Variants in FARP1 observed in about 807,000 individuals in gnomAD.
FARP1 encodes the protein FERM, ARHGEF and pleckstrin domain-containing protein 1.
Under a neutral mutation model 128.8 loss-of-function variants are expected in FARP1, and 52 were observed. The observed-to-expected ratio is 0.40, with a 90% CI of 0.32 to 0.51. The LOEUF (loss-of-function observed/expected upper bound fraction) is 0.51, where lower values mean the gene tolerates loss of function less well. FARP1 is among the 20% of genes least tolerant of loss of function. FARP1 has a pLI of 0.45. For missense variants in FARP1, 1,333 were observed against 1,367.9 expected, an observed-to-expected ratio of 0.97 and a Z score of 0.40; for synonymous variants, 580 against 551.8, an observed-to-expected ratio of 1.05 and a Z score of -0.72.
chr13:98,228,163 A>T (rs1881902842), intron 2 of FARP1, among the ~76,000 whole-genome samples: 1 of 152,194 alleles, frequency 6.6e-6, no homozygotes, highest in African/African-American at 2.4e-5. Flanking sequence ...GTTTGAGACT[A>T]GTCTGACCAA....
intron 19 of FARP1, among the ~76,000 whole-genome samples, chr13:98,438,320 C>T (rs1048657020): frequency 1.3e-5 from 2 of 152,116 alleles, no homozygotes; most frequent in Non-Finnish European, 2.9e-5. Context: ...CCTCTCGGTC[C>T]TCAAGGGTCC....
intron 24 of FARP1, among the ~76,000 whole-genome samples, chr13:98,442,259 C>T (rs149745941): frequency 1.6e-4 from 25 of 152,346 alleles, no homozygotes; most frequent in African/African-American, 4.3e-4. Context: ...AGTTTGCTGG[C>T]TCTTGGAACC....
At chr13:98,241,505 C>T (rs779143858) in intron 2 of FARP1, among the ~76,000 whole-genome samples, 5 of 152,164 alleles carry the variant, frequency 3.3e-5, no homozygotes, top group Non-Finnish European at 5.9e-5. Flanking sequence ...TGGGGCCAGG[C>T]ATGGTGGCTC....
chr13:98,235,540 T>C (rs1882362292), intron 2 of FARP1, among the ~76,000 whole-genome samples: 1 of 152,122 alleles, frequency 6.6e-6, no homozygotes, highest in African/African-American at 2.4e-5. Context: ...TGTGGGATAC[T>C]CTAGGTAGGA....
intron 3 of FARP1, among the ~76,000 whole-genome samples, chr13:98,355,683 A>T (rs979753733): frequency 1.3e-5 from 2 of 152,226 alleles, no homozygotes; most frequent in Non-Finnish European, 2.9e-5. Flanking sequence ...ACATATTTTT[A>T]AAAATTTTCC....
chr13:98,232,375 C>G (rs1882183151), intron 2 of FARP1, among the ~76,000 whole-genome samples: 1 of 150,632 alleles, frequency 6.6e-6, no homozygotes, highest in South Asian at 2.1e-4. Context: ...TAAATGGGCA[C>G]CAATGTGCCT....
At chr13:98,180,267 A>G (rs9556894) in intron 1 of FARP1, among the ~76,000 whole-genome samples, 11,383 of 152,108 alleles carry the variant, frequency 0.075, 1,325 homozygotes, top group East Asian at 0.57. Context: ...TCACATGGCA[A>G]GAGTGGGAGT....
At chr13:98,284,539 GA>G (rs1046221178) in intron 2 of FARP1, among the ~76,000 whole-genome samples, 8 of 151,724 alleles carry the variant, frequency 5.3e-5, no homozygotes, top group East Asian at 1.9e-4. Context: ...AGATATTTGG[GA>G]AAAAAAATAG....
chr13:98,444,958 A>T (rs1363891597), intron 24 of FARP1, among the ~76,000 whole-genome samples: 1 of 151,666 alleles, frequency 6.6e-6, no homozygotes, highest in Non-Finnish European at 1.5e-5. Flanking sequence ...CCACTGGGGG[A>T]GGAGGATGGA....
At chr13:98,223,125 G>T (rs771479195) in intron 2 of FARP1, among the ~76,000 whole-genome samples, 5 of 152,226 alleles carry the variant, frequency 3.3e-5, no homozygotes, top group African/African-American at 1.2e-4. Flanking sequence ...GACAGGGCGT[G>T]GCAGCTGATG....
At chr13:98,375,196 T>C (rs2140000663) in intron 5 of FARP1, among the ~76,000 whole-genome samples, 1 of 152,350 alleles carries the variant, frequency 6.6e-6, no homozygotes, top group South Asian at 2.1e-4. Context: ...ATTCAGGTGG[T>C]GACATTCTGA....
At position 98,235,514 on chromosome 13, in the gene FARP1, C is replaced by T. The variant is rs141920056; in HGVS notation, c.171+22101C>T. Among the ~76,000 whole-genome samples the T allele has an allele frequency of 4.3e-4, 65 of 152,204 alleles. 3 individuals carry two copies. The East Asian group carries it at 0.013, about 29-fold the overall frequency. On this transcript the variant is annotated intron_variant, in intron 2 of 26. Transcript: ENST00000319562. ...AGGGGGAAACTCCCTCTCTCCACAG[C>T]GGAGTGATGCCCGGGTGTGGGATAC...
At position 98,275,569 on chromosome 13, in the gene FARP1, T is replaced by G. The variant is rs111854405; in HGVS notation, c.171+62156T>G. ...GGAGGAGATTGGCAGAATAGAGTAA[T>G]TCCTAACATTGTTAGAGTTTGAAAG... On this transcript the variant is annotated intron_variant, in intron 2 of 26. Coordinates refer to ENST00000319562, the MANE Select transcript of FARP1 (RefSeq NM_005766.4). Among the ~76,000 whole-genome samples the G allele has an allele frequency of 3.2e-3, 490 of 151,742 alleles. 3 individuals carry two copies. Among genetic ancestry groups the G allele is most frequent in the African/African-American group, 0.011 (473 of 41,418 alleles).
intron 2 of FARP1, among the ~76,000 whole-genome samples, chr13:98,292,078 T>C (rs187679887): frequency 6.6e-6 from 1 of 152,360 alleles, no homozygotes; most frequent in East Asian, 1.9e-4. Flanking sequence ...TGCAGGAGTT[T>C]TTCTGTTGAC....
intron 2 of FARP1, among the ~76,000 whole-genome samples, chr13:98,339,659 A>G (rs1887881006): frequency 6.6e-6 from 1 of 152,202 alleles, no homozygotes; most frequent in South Asian, 2.1e-4. Context: ...TTACAGATGA[A>G]TTTTAGAAGC....
In FARP1 at chr13:98,411,923, A is replaced by T; in HGVS notation, c.1715A>T (p.Lys572Ile). ...CAGTGGTTTCAGAGCACAGTGAGCA[A>T]AGAGGACGCCATGCCGGAAGCACTG... ...ITSWFQSTVS[K>I]EDAMPEALKS... The change falls in exon 16 of 27, where the codon AAA (lysine) becomes ATA (isoleucine). Residue 572 changes from lysine to isoleucine, a missense_variant. Around this residue, in one of 2 missense-constraint regions of FARP1, gnomAD observed 1,009 missense variants for 969.8 expected, o/e 1.04. Coordinates refer to ENST00000319562, the MANE Select transcript of FARP1 (RefSeq NM_005766.4). The T allele has an allele frequency of 6.2e-7, 1 of 1,614,176 alleles. No homozygotes were observed. The highest frequency in any genetic ancestry group is 8.5e-7 in the Non-Finnish European group (1 of 1,180,010).
At chr13:98,159,039 A>G (rs1234420162) in intron 1 of FARP1, among the ~76,000 whole-genome samples, 1 of 152,194 alleles carries the variant, frequency 6.6e-6, no homozygotes, top group Non-Finnish European at 1.5e-5. Context: ...AGGTAGAGAA[A>G]TCCCGGTGAT....
chr13:98,226,939 C>T (rs1177407874), intron 2 of FARP1, among the ~76,000 whole-genome samples: 1 of 151,710 alleles, frequency 6.6e-6, no homozygotes, highest in Non-Finnish European at 1.5e-5. Flanking sequence ...GCATTTCTTT[C>T]TTTCTTTCTT....
At chr13:98,157,214 C>A (rs1261884601) in intron 1 of FARP1, among the ~76,000 whole-genome samples, 1 of 152,174 alleles carries the variant, frequency 6.6e-6, no homozygotes, top group Non-Finnish European at 1.5e-5. Flanking sequence ...TGTGTGAGAT[C>A]ATGTTACTGT....
Sources: allele counts gnomAD v4.1 joint callset (sites outside exome capture counted in the v4.1 genomes callset), GRCh38; gene constraint gnomAD v4.1.1; regional missense constraint gnomAD v4.1.1; transcripts MANE v1.5; gene names NCBI Gene and HGNC (gene_info 2026-07-23, HGNC 2026-07-21).